Variants in APOO observed in about 807,000 individuals in gnomAD.
APOO encodes the protein MICOS complex subunit MIC26.
In APOO, 11 loss-of-function variants were observed where a neutral mutation model predicts 23.1. The observed-to-expected ratio is 0.48, with a 90% CI of 0.30 to 0.79. The LOEUF is 0.79. Ranked by LOEUF, APOO falls within the 30% of genes least tolerant of loss-of-function variation. The pLI, the probability that APOO is intolerant of heterozygous loss-of-function variation, is 0.07. For missense variants in APOO, 160 were observed against 142.7 expected (o/e 1.12, Z -0.62); for synonymous variants, 59 against 54.8 (o/e 1.08, Z -0.34).
chrX:23,876,273 A>AAAAAAT (rs1399930127), intron 3 of APOO, among the ~76,000 whole-genome samples: 2 of 103,882 alleles, frequency 1.9e-5, no homozygotes. Context: ...AAAAAAATAA[A>AAAAAAT]AAAAATAAAA....
chrX:23,907,725 G>A lies in APOO; in HGVS notation c.-23C>T. On this transcript the variant is annotated 5_prime_UTR_variant, in exon 1 of 9. Coordinates refer to ENST00000379226, the MANE Select transcript of APOO (RefSeq NM_024122.5). ...CATGTCGCTGGCAGCGGAGGCTCCG[G>A]CAGGGTCACCCCGGCCTCGGCCACG... 6.9e-6 allele frequency: 8 copies of A among 1,160,287 alleles called. No homozygotes were observed. Among genetic ancestry groups the A allele is most frequent in the Non-Finnish European group, 9.2e-6 (8 of 870,450 alleles).
Position 23,848,191 on chromosome X carries a change from A to T in APOO, c.562-7814T>A, listed in dbSNP as rs753436069. On this transcript the variant is annotated intron_variant, in intron 7 of 8. Coordinates refer to ENST00000379226, the MANE Select transcript of APOO (RefSeq NM_024122.5). ...TCTGGCCCTATTTTTTTGAGACAAA[A>T]TCTCACTCTGTCGCCCAGGCTGGAG... Among the ~76,000 whole-genome samples, 6 of 91,876 alleles carry T rather than the reference A, an allele frequency of 6.5e-5. No homozygotes were observed. In the East Asian group the frequency reaches 2.1e-3, roughly 32 times the overall value. The allele number at this position is 91,876 out of a possible 115,157, so 79.8% of individuals were successfully genotyped here. A position where few individuals can be genotyped will look rare whatever the true frequency, so the allele number is the denominator to read the frequency against.
chrX:23,902,960 T>C (rs1290945891), intron 1 of APOO, among the ~76,000 whole-genome samples: 2 of 111,632 alleles, frequency 1.8e-5, no homozygotes, highest in Admixed American at 9.5e-5. Flanking sequence ...CTCTCCCAAA[T>C]CCCACCATGT....
intron 5 of APOO, among the ~76,000 whole-genome samples, chrX:23,864,372 G>C (rs1039577854): frequency 3.9e-4 from 43 of 110,508 alleles, no homozygotes; most frequent in African/African-American, 1.4e-3. Context: ...GTGCGATCTC[G>C]GCTTGCTGCA....
chrX:23,863,321 G>C (rs1168721619), intron 5 of APOO, among the ~76,000 whole-genome samples: 1 of 111,768 alleles, frequency 8.9e-6, no homozygotes, highest in Non-Finnish European at 1.9e-5. Context: ...GGGTGACAGA[G>C]TGAGACTCCG....
At chrX:23,892,979 T>C (rs1335264466) in intron 1 of APOO, among the ~76,000 whole-genome samples, 1 of 108,295 alleles carries the variant, frequency 9.2e-6, no homozygotes, top group African/African-American at 3.3e-5. Context: ...ACTTTTGAGA[T>C]TATTCTTATT....
chrX:23,895,356 T>A (rs1042087376), intron 1 of APOO, among the ~76,000 whole-genome samples: 2 of 111,244 alleles, frequency 1.8e-5, no homozygotes, highest in African/African-American at 3.3e-5. Context: ...TATAGGGACA[T>A]GGATGAAGCT....
At chrX:23,897,807 C>T in intron 1 of APOO, among the ~76,000 whole-genome samples, 1 of 109,572 alleles carries the variant, frequency 9.1e-6, no homozygotes, top group Non-Finnish European at 1.9e-5. Context: ...GGGCAACAGG[C>T]TAAAGGTGAA....
intron 1 of APOO, among the ~76,000 whole-genome samples, chrX:23,904,918 A>G (rs1338097324): frequency 9.0e-6 from 1 of 110,955 alleles, no homozygotes. Flanking sequence ...AAAGCATCCT[A>G]ACATAGCCAT....
chrX:23,870,855 C>T (rs1347395565), intron 4 of APOO, among the ~76,000 whole-genome samples: 2 of 110,752 alleles, frequency 1.8e-5, no homozygotes, highest in African/African-American at 6.6e-5. Context: ...CTTTGGGAGG[C>T]CGATGCAGGC....
intron 2 of APOO, among the ~76,000 whole-genome samples, chrX:23,879,270 T>C (rs1926003007): frequency 9.0e-6 from 1 of 111,191 alleles, no homozygotes; most frequent in African/African-American, 3.3e-5. Context: ...ACCCAGTCTC[T>C]ACTAAAAATA....
intron 5 of APOO, among the ~76,000 whole-genome samples, chrX:23,863,195 G>A (rs773946173): frequency 1.6e-4 from 18 of 111,505 alleles, no homozygotes; most frequent in Non-Finnish European, 2.6e-4. Context: ...TTAGCCAGGC[G>A]TGGTGGTGCA....
rs766626337 is a variant in APOO, at chrX:23,836,438, C to T, written c.*30-2826G>A. The stretch of plus-strand genomic sequence containing the variant: ...CAAGCGATTCCCCTGCCTCGGCCTC[C>T]CGAGTAGCTGGGACTACAGGCGCAC... On this transcript the variant is annotated intron_variant, in intron 8 of 8. Transcript: ENST00000379226. 4.5e-5 allele frequency among the ~76,000 whole-genome samples: 5 copies of T among 111,855 alleles called. No individual in the cohort carries two copies. In the South Asian group the frequency reaches 1.5e-3, roughly 34 times the overall value.
intron 1 of APOO, among the ~76,000 whole-genome samples, chrX:23,894,397 G>A (rs1439321811): frequency 9.0e-6 from 1 of 110,899 alleles, no homozygotes; most frequent in Non-Finnish European, 1.9e-5. Context: ...CAAAGTGCTG[G>A]GATTACAGAC....
chrX:23,906,921 T>C (rs911894532), intron 1 of APOO, among the ~76,000 whole-genome samples: 2 of 112,356 alleles, frequency 1.8e-5, no homozygotes, highest in Non-Finnish European at 3.8e-5. Context: ...TTTAAATGAA[T>C]AGTACAATTC....
At chrX:23,851,242 G>T (rs1924522285) in intron 7 of APOO, among the ~76,000 whole-genome samples, 1 of 109,946 alleles carries the variant, frequency 9.1e-6, no homozygotes, top group African/African-American at 3.3e-5. Flanking sequence ...CGCGCAGGCT[G>T]GAGTGCAGTG....
rs760043633 is a variant in APOO at position 23,838,069 on chromosome X, AAGGGGCC to A, written c.*29+2237_*29+2243del. Among the ~76,000 whole-genome samples, 44 of 106,034 alleles carry A rather than the reference AAGGGGCC, an allele frequency of 4.1e-4. No homozygotes were observed. In the Admixed American group the frequency reaches 4.4e-3, roughly 11 times the overall value. The allele number at this position is 106,034 out of a possible 115,157, so 92.1% of individuals were successfully genotyped here. ...AAAATTACCTCTGGAAAAAAGAATA[AAGGGGCC>A]AGATGTGGTGGCTCACACCTGTAAT... On this transcript the variant is annotated intron_variant, in intron 8 of 8. Transcript: ENST00000379226.
At chrX:23,850,719 CT>C (rs1028676880) in intron 7 of APOO, among the ~76,000 whole-genome samples, 4 of 111,541 alleles carry the variant, frequency 3.6e-5, no homozygotes, top group African/African-American at 1.3e-4. Flanking sequence ...CCTAGCTACT[CT>C]GGAGGCTGAG....
At chrX:23,871,358 G>A (rs765751384) in intron 4 of APOO, among the ~76,000 whole-genome samples, 42 of 73,150 alleles carry the variant, frequency 5.7e-4, no homozygotes, top group African/African-American at 3.6e-3. Context: ...GCAAGACTCC[G>A]TCTCAAAAAA....
Sources: gnomAD v4.1 joint callset for allele counts (sites outside exome capture counted in the v4.1 genomes callset) on GRCh38, gnomAD v4.1.1 for gene constraint, MANE v1.5 for transcripts, NCBI Gene and HGNC (gene_info 2026-07-23, HGNC 2026-07-21) for gene names.